Variants in MILR1 observed in about 807,000 individuals in gnomAD.
MILR1 encodes allergin-1.
MILR1 carries 31 observed loss-of-function variants against 18.5 expected under a neutral mutation model. The observed-to-expected ratio is 1.68, with a 90% CI of 1.26 to 2.26. The LOEUF (loss-of-function observed/expected upper bound fraction) is 2.26, where lower values mean the gene tolerates loss of function less well. MILR1 is among the 30% of genes most tolerant of loss of function. MILR1 has a pLI of 0.00. For synonymous variants in MILR1, 85 were observed against 56.2 expected (o/e 1.51, Z -2.30); for missense variants, 257 against 157.4 (o/e 1.63, Z -3.38).
the MILR1 span, chr17:64,487,613 CAAAAAAAAAAA>C: frequency 0.13 from 9,342 of 73,778 alleles, 482 homozygotes; most frequent in Admixed American, 0.26. Context: ...GACACCATCT[CAAAAAAAAAAA>C]AAAAAAAAAA....
At chr17:64,489,378 G>A in the MILR1 span, among the ~76,000 whole-genome samples, 4 of 150,834 alleles carry the variant, frequency 2.7e-5, no homozygotes, top group Non-Finnish European at 5.9e-5. Context: ...AAAAAAAAGG[G>A]AAGGGGAAAA....
chr17:64,451,739 C>A (rs1401211946), intron 2 of MILR1, among the ~76,000 whole-genome samples: 1 of 151,772 alleles, frequency 6.6e-6, no homozygotes, highest in Admixed American at 6.6e-5. Flanking sequence ...TCAAGACGAG[C>A]CTGGACAACA....
At chr17:64,490,832 A>G in the MILR1 span, 2 of 1,613,708 alleles carry the variant, frequency 1.2e-6, no homozygotes, top group Non-Finnish European at 1.7e-6. Flanking sequence ...ACATGTGTAA[A>G]AGTTCGTGAT....
At chr17:64,466,856 G>A (rs1293660786) in intron 8 of MILR1, among the ~76,000 whole-genome samples, 194 bp downstream of exon 8, 2 of 152,146 alleles carry the variant, frequency 1.3e-5, no homozygotes, top group Non-Finnish European at 2.9e-5. Context: ...GTGAGGAAGA[G>A]GGAAAGATGT....
At chr17:64,465,222 A>T (rs550707940) in intron 5 of MILR1, among the ~76,000 whole-genome samples, 1 of 152,378 alleles carries the variant, frequency 6.6e-6, no homozygotes, top group East Asian at 1.9e-4. Context: ...TAGGCAAAGC[A>T]TGTTCCTCTG....
At chr17:64,486,339 G>A in the MILR1 span, among the ~76,000 whole-genome samples, 1 of 146,012 alleles carries the variant, frequency 6.8e-6, no homozygotes, top group South Asian at 2.2e-4. Flanking sequence ...CGAGCTCAGA[G>A]TTAGTATTCA....
At chr17:64,489,012 T>G in the MILR1 span, among the ~76,000 whole-genome samples, 1 of 151,538 alleles carries the variant, frequency 6.6e-6, no homozygotes, top group Non-Finnish European at 1.5e-5. Context: ...GTTTTTGCTA[T>G]ATATTTTTTC....
chr17:64,465,625 G>A lies in MILR1; in HGVS notation c.853+84G>A, dbSNP rs782236718. 129 of 1,405,620 alleles carry A rather than the reference G, an allele frequency of 9.2e-5. No homozygotes were observed. The African/African-American group carries it at 1.3e-3, about 14-fold the overall frequency. The allele number at this position is 1,405,620 out of a possible 1,614,324, so 87.1% of individuals were successfully genotyped here. A position where few individuals can be genotyped will look rare whatever the true frequency, so the allele number is the denominator to read the frequency against. ...TAAGGTTGTACAGACATACGGGAGT[G>A]GGGGGTGGAGCAAAAGGGATAGAGT... On this transcript the variant is annotated intron_variant, in intron 6 of 9. Transcript: ENST00000619286.
At chr17:64,491,727 C>T in the MILR1 span, 1 of 841,746 alleles carries the variant, frequency 1.2e-6, no homozygotes, top group African/African-American at 1.7e-5. Flanking sequence ...AGGGTACATG[C>T]TCTTCATCTA....
chr17:64,460,306 G>A (rs2037404126), intron 4 of MILR1, among the ~76,000 whole-genome samples: 2 of 152,028 alleles, frequency 1.3e-5, no homozygotes, highest in African/African-American at 4.8e-5. Context: ...GATTACAGGT[G>A]TAAGCCACTG....
At chr17:64,496,775 C>G in the MILR1 span, 2 of 1,613,962 alleles carry the variant, frequency 1.2e-6, no homozygotes, top group Non-Finnish European at 8.5e-7. Context: ...CGCCTCGCTT[C>G]CCTCTCCAGA....
At chr17:64,479,731 AG>A in the MILR1 span, among the ~76,000 whole-genome samples, 1 of 152,210 alleles carries the variant, frequency 6.6e-6, no homozygotes, top group Non-Finnish European at 1.5e-5. Flanking sequence ...GTGGCAGCGA[AG>A]ACAGAGATGG....
the MILR1 span, among the ~76,000 whole-genome samples, chr17:64,495,282 T>C: frequency 1.1e-4 from 16 of 150,384 alleles, no homozygotes; most frequent in Non-Finnish European, 1.9e-4. Flanking sequence ...AGGAAATATA[T>C]TTTTAAAAAT....
chr17:64,491,099 C>T, the MILR1 span: 8 of 730,596 alleles, frequency 1.1e-5, no homozygotes, highest in East Asian at 5.4e-5. Flanking sequence ...AGTCAAGTCC[C>T]GAATACAAAT....
chr17:64,460,662 A>T (rs1174020055), intron 4 of MILR1, among the ~76,000 whole-genome samples, 160 bp from the exon 5 acceptor site: 5 of 152,146 alleles, frequency 3.3e-5, no homozygotes, highest in Non-Finnish European at 7.4e-5. Context: ...TTTATTGACT[A>T]ATAAGTCCCG....
chr17:64,464,806 C>A (rs537630242), intron 5 of MILR1, among the ~76,000 whole-genome samples: 1 of 152,364 alleles, frequency 6.6e-6, no homozygotes, highest in South Asian at 2.1e-4. Flanking sequence ...TGCCTGTAAT[C>A]CCAGCTATTC....
chr17:64,467,024 C>CTCTTTCTTTCTT (rs137981021), intron 8 of MILR1, among the ~76,000 whole-genome samples: 2 of 144,982 alleles, frequency 1.4e-5, no homozygotes, highest in African/African-American at 5.2e-5. Flanking sequence ...TTCTTTCTTT[C>CTCTTTCTTTCTT]TCTTTCTTTC....
At chr17:64,464,320 G>A (rs1198763797) in intron 5 of MILR1, among the ~76,000 whole-genome samples, 2 of 148,996 alleles carry the variant, frequency 1.3e-5, no homozygotes, top group Non-Finnish European at 3.0e-5. Context: ...ATGTTTCCCA[G>A]GCTAGTCTTG....
At chr17:64,466,385 G>T (rs375395957) in intron 6 of MILR1, 57 bp from the exon 7 acceptor site, 2 of 1,488,474 alleles carry the variant, frequency 1.3e-6, no homozygotes, top group South Asian at 1.2e-5. Flanking sequence ...GCAATTTACC[G>T]ACCTTTTCTA....
Sources: allele counts gnomAD v4.1 joint callset (sites outside exome capture counted in the v4.1 genomes callset), GRCh38; gene constraint gnomAD v4.1.1; transcripts MANE v1.5; gene names NCBI Gene and HGNC (gene_info 2026-07-23, HGNC 2026-07-21).